The following LSP1 variants were observed in gnomAD, a reference collection of about 807,000 sequenced individuals.
The protein encoded by LSP1 is lymphocyte-specific protein 1.
LSP1 carries 32 observed loss-of-function variants against 49.3 expected under a neutral mutation model. That is an observed-to-expected ratio of 0.65 (90% CI 0.49 to 0.87). The LOEUF (loss-of-function observed/expected upper bound fraction) is 0.87, where lower values mean the gene tolerates loss of function less well. Among genes scored for constraint, LSP1 ranks in the 40% least tolerant of loss-of-function variants. The probability of loss-of-function intolerance (pLI) is 0.00; values close to 1 mark genes in which losing one functional copy is unlikely to be tolerated. For missense variants in LSP1, 428 were observed against 442.6 expected (o/e 0.97, Z 0.30); for synonymous variants, 179 against 178.8 (o/e 1.00, Z -0.01).
Position 1,884,633 on chromosome 11 carries a change from T to C in LSP1, c.717+52T>C, listed in dbSNP as rs762776089. The C allele has an allele frequency of 6.7e-7, 1 of 1,500,568 alleles. No individual in the cohort carries two copies. The highest frequency in any genetic ancestry group is 9.3e-7 in the Non-Finnish European group (1 of 1,079,384). 93.0% of individuals were successfully genotyped at this position (1,500,568 alleles called of 1,614,324 possible). On this transcript the variant is annotated intron_variant, in intron 7 of 10. Coordinates refer to ENST00000311604, the MANE Select transcript of LSP1 (RefSeq NM_002339.3). This position sits in a 1 kb window ranked among gnomAD's most constrained non-coding sequence, Gnocchi z 4.1. ...AGGTCCCTCCTGCATCCTGGCACCA[T>C]TCCTTCATCCAACCAACGCCCTTCC...
In LSP1 at chr11:1,853,217, C is replaced by T. The variant is rs1847404516; in HGVS notation, c.53+20C>T. 1 of 1,604,626 alleles carries T rather than the reference C, an allele frequency of 6.2e-7. No homozygotes were observed. Among genetic ancestry groups the T allele is most frequent in the African/African-American group, 1.3e-5 (1 of 74,888 alleles). On this transcript the variant is annotated intron_variant, in intron 1 of 10. Coordinates refer to ENST00000311604, the MANE Select transcript of LSP1 (RefSeq NM_002339.3). ...GCTGGGGTAAGGGTCTGCGGCGACG[C>T]CCGGCGCCCTGTGCCGTGTCCACGG...
chr11:1,861,822 A>AATGG (rs1348546015), intron 1 of LSP1, among the ~76,000 whole-genome samples: 11 of 68,070 alleles, frequency 1.6e-4, no homozygotes, highest in African/African-American at 5.3e-4. Context: ...TGGATGGGTG[A>AATGG]ATGGATGGAT....
At chr11:1,854,534 C>T (rs1306721409) in intron 1 of LSP1, among the ~76,000 whole-genome samples, 1 of 152,218 alleles carries the variant, frequency 6.6e-6, no homozygotes, top group Non-Finnish European at 1.5e-5. Context: ...GCATCTCTGA[C>T]TTCTTGCTGC....
chr11:1,875,060 C>G (rs530180651), intron 1 of LSP1, among the ~76,000 whole-genome samples: 1 of 152,072 alleles, frequency 6.6e-6, no homozygotes, highest in Non-Finnish European at 1.5e-5. Flanking sequence ...CTGGGCTGAC[C>G]CTGGGTCCCA....
chr11:1,884,933 C>G lies in LSP1; in HGVS notation c.717+352C>G, dbSNP rs1470912060. Among the ~76,000 whole-genome samples, 4 of 152,062 alleles carry G rather than the reference C, an allele frequency of 2.6e-5. No individual in the cohort carries two copies. The South Asian group carries it at 6.2e-4, about 24-fold the overall frequency. On this transcript the variant is annotated intron_variant, in intron 7 of 10. Transcript: ENST00000311604. The surrounding 1 kb of genome is among the most constrained non-coding windows in gnomAD (Gnocchi z 4.1). Reference sequence around the variant, plus strand: ...GTGTTCCTCCATTCAATCAATGCCCCCCTCGGAACAGTACTCCACCACCCA... The same window carrying G: ...GTGTTCCTCCATTCAATCAATGCCCGCCTCGGAACAGTACTCCACCACCCA...
chr11:1,853,291 TG>T (rs1471464196), intron 1 of LSP1, 94 bp downstream of exon 1: 25 of 1,344,714 alleles, frequency 1.9e-5, no homozygotes, highest in Non-Finnish European at 2.5e-5. Context: ...AGGTGCCTGA[TG>T]GGGAATCTGG....
At chr11:1,878,031 G>T (rs566286775) in intron 1 of LSP1, among the ~76,000 whole-genome samples, 1 of 152,208 alleles carries the variant, frequency 6.6e-6, no homozygotes, top group South Asian at 2.1e-4. Flanking sequence ...GGTCTGTGGA[G>T]CTGGAGTGAG....
At chr11:1,860,946 G>A (rs1336306629) in intron 1 of LSP1, among the ~76,000 whole-genome samples, 1 of 152,166 alleles carries the variant, frequency 6.6e-6, no homozygotes, top group Non-Finnish European at 1.5e-5. Flanking sequence ...GATGGATATG[G>A]ATAATAGATG....
rs564198572 is a variant in LSP1, at chr11:1,881,458, C to T, written c.218C>T (p.Pro73Leu). ...MLLSLKPSEA[P>L]ELDEDEGFGD... ...CTCAGCCTGAAGCCCTCGGAGGCCC[C>T]TGAACTGGATGAGGACGAGGGCTTT... Residue 73 changes from proline (P) to leucine (L), a missense_variant, in exon 3 of 11, where the codon CCT (proline) becomes CTT (leucine). Physicochemically the swap from Pro to Leu is moderately conservative, Grantham distance 98. Transcript: ENST00000311604. The T allele has an allele frequency of 5.4e-5, 86 of 1,580,432 alleles. No individual in the cohort carries two copies. In the South Asian group the frequency reaches 7.6e-4, roughly 14 times the overall value.
At chr11:1,877,387 C>T (rs188077849) in intron 1 of LSP1, among the ~76,000 whole-genome samples, 387 of 152,322 alleles carry the variant, frequency 2.5e-3, no homozygotes, top group African/African-American at 8.8e-3. Flanking sequence ...TTCTCCCCAG[C>T]ACTGGGTTTT....
In LSP1 at chr11:1,883,497, A is replaced by G. The variant is rs777331218; in HGVS notation, c.435A>G (p.Pro145=). The G allele has an allele frequency of 4.3e-6, 7 of 1,614,018 alleles. No individual in the cohort carries two copies. Among genetic ancestry groups the G allele is most frequent in the Non-Finnish European group, 5.1e-6 (6 of 1,180,010 alleles). The change falls in exon 4 of 11, where the codon CCA becomes CCG. Residue 145 remains proline, a synonymous_variant. Coordinates refer to ENST00000311604, the MANE Select transcript of LSP1 (RefSeq NM_002339.3). ...LEELSLSKEG[P]GPEDTVQDNL... ...AGTTGAGTCTGAGCAAGGAGGGGCC[A>G]GGCCCAGAGGACACTGTCCAGGACA...
At position 1,854,022 on chromosome 11, in the gene LSP1, G is replaced by A. The variant is rs549811813; in HGVS notation, c.53+825G>A. Among the ~76,000 whole-genome samples the A allele has an allele frequency of 3.3e-5, 5 of 152,334 alleles. No individual in the cohort carries two copies. In the South Asian group the frequency reaches 1.0e-3, roughly 32 times the overall value. On this transcript the variant is annotated intron_variant, in intron 1 of 10. Coordinates refer to ENST00000311604, the MANE Select transcript of LSP1 (RefSeq NM_002339.3). Reference sequence around the variant, plus strand: ...CAGCAGGCATCCAGGCATCACAGCTGAGCCTCGCCAGGGGAACCCGAGTTG... The same window carrying A: ...CAGCAGGCATCCAGGCATCACAGCTAAGCCTCGCCAGGGGAACCCGAGTTG...
Position 1,884,471 on chromosome 11 carries a change from T to C in LSP1, c.636-29T>C. The C allele has an allele frequency of 6.2e-7, 1 of 1,607,748 alleles. No homozygotes were observed. Among genetic ancestry groups the C allele is most frequent in the East Asian group, 2.2e-5 (1 of 44,842 alleles). ...GTTGGGAGAAGCCTTGTGGGAGACA[T>C]GGGGCCTGACACATCTTCTACCCTC... On this transcript the variant is annotated intron_variant, in intron 6 of 10. Transcript: ENST00000311604. The surrounding 1 kb of genome is among the most constrained non-coding windows in gnomAD (Gnocchi z 4.1).
chr11:1,868,915 G>A (rs1847883089), intron 1 of LSP1: 2 of 985,928 alleles, frequency 2.0e-6, no homozygotes, highest in Non-Finnish European at 2.4e-6. Context: ...AACCGTAAAG[G>A]GGAGGCACCC....
chr11:1,890,930 G>A (rs1848974578), intron 10 of LSP1: 1 of 242,062 alleles, frequency 4.1e-6, no homozygotes, highest in Non-Finnish European at 8.1e-6. Flanking sequence ...GCAACACCGT[G>A]TGGGCTGGGG....
chr11:1,880,270 G>T (rs1848484385), intron 2 of LSP1, 46 bp downstream of exon 2: 6 of 1,507,724 alleles, frequency 4.0e-6, no homozygotes, highest in Non-Finnish European at 5.3e-6. Flanking sequence ...CCCTATCCGT[G>T]TACCCTGGGG....
In LSP1 at chr11:1,870,354, A is replaced by T. The variant is rs1358148557; in HGVS notation, c.54-9733A>T. 7.9e-6 allele frequency: 10 copies of T among 1,271,670 alleles called. No individual in the cohort carries two copies. In the African/African-American group the frequency reaches 1.4e-4, roughly 18 times the overall value. 78.8% of individuals were successfully genotyped at this position (1,271,670 alleles called of 1,614,324 possible). Reference sequence around the variant, plus strand: ...CAGCACCCGGGGACATACACCGGGGAGTCTCCTGGGAAAGAAGTGCCGGCC... The same window carrying T: ...CAGCACCCGGGGACATACACCGGGGTGTCTCCTGGGAAAGAAGTGCCGGCC... On this transcript the variant is annotated intron_variant, in intron 1 of 10. Transcript: ENST00000311604.
rs569447114 is a variant in LSP1, at chr11:1,876,354, G to T, written c.54-3733G>T. The stretch of plus-strand genomic sequence containing the variant: ...GAGCCCCGAACCACCCTGGTGGAAG[G>T]CCCAGCCCAGCTCCCCAGGCCTCCT... On this transcript the variant is annotated intron_variant, in intron 1 of 10. Transcript: ENST00000311604. 51 of 713,530 alleles carry T rather than the reference G, an allele frequency of 7.1e-5. No individual in the cohort carries two copies. In the African/African-American group the frequency reaches 9.4e-4, roughly 13 times the overall value. 44.2% of individuals were successfully genotyped at this position (713,530 alleles called of 1,614,324 possible).
rs199665099 is a variant in LSP1 at position 1,887,278 on chromosome 11, G to A, written c.894G>A (p.Glu298=). Residue 298 remains glutamate, a synonymous_variant, in exon 9 of 11, where the codon GAG becomes GAA. Transcript: ENST00000311604. The part of the protein sequence containing the change: ...AGDMSKKSLW[E]QKGGSKTSST... ...ACATGAGCAAGAAAAGCCTCTGGGAGCAGAAGGGAGGCTCCAAGACCTCAT... is the reference window on the plus strand; with the variant it reads ...ACATGAGCAAGAAAAGCCTCTGGGAACAGAAGGGAGGCTCCAAGACCTCAT... 18 of 1,597,986 alleles carry A rather than the reference G, an allele frequency of 1.1e-5. No homozygotes were observed. In the Admixed American group the frequency reaches 2.1e-4, roughly 18 times the overall value.
Sources: gnomAD v4.1 joint callset for allele counts (sites outside exome capture counted in the v4.1 genomes callset) on GRCh38, gnomAD v4.1.1 for gene constraint, Gnocchi (gnomAD v3.1) non-coding constraint, MANE v1.5 for transcripts, NCBI Gene and HGNC (gene_info 2026-07-23, HGNC 2026-07-21) for gene names.